The following WDR62 variants were observed in gnomAD, a reference collection of about 807,000 sequenced individuals.
WDR62 encodes WD repeat domain 62, also known as WD repeat-containing protein 62.
A neutral mutation model predicts 160.6 loss-of-function variants in WDR62; 112 were observed. That is an observed-to-expected ratio of 0.70 (90% CI 0.60 to 0.82). WDR62 has a LOEUF of 0.82. WDR62 is among the 40% of genes least tolerant of loss of function. The pLI is 0.00. For missense variants in WDR62, 1,819 were observed against 1,983.8 expected (o/e 0.92, Z 1.58); for synonymous variants, 792 against 815.1 (o/e 0.97, Z 0.48).
intron 26 of WDR62, chr19:36,102,460 C>G: frequency 5.2e-6 from 3 of 582,230 alleles, no homozygotes; most frequent in Non-Finnish European, 9.2e-6. Flanking sequence ...TGAGGTTTCA[C>G]CATGTTGGCC....
chr19:36,057,568 G>A (rs1163600270), intron 1 of WDR62, among the ~76,000 whole-genome samples: 2 of 151,436 alleles, frequency 1.3e-5, no homozygotes, highest in Admixed American at 6.6e-5. Flanking sequence ...AGGATGGAGT[G>A]CAATGGTGCC....
chr19:36,103,795 G>A lies in WDR62; in HGVS notation c.3967G>A (p.Ala1323Thr). 6.2e-7 allele frequency: 1 copy of A among 1,609,412 alleles called. No homozygotes were observed. Residue 1323 changes from alanine (A) to threonine (T), a missense_variant, in exon 30 of 32, where the codon GCA becomes ACA. By Grantham distance (58) the Ala-to-Thr change is moderately conservative. Coordinates refer to ENST00000401500, the MANE Select transcript of WDR62 (RefSeq NM_001083961.2). ...TACCCAGCCTGGCGTCACCGTCCCT[G>A]CAGTGAGCTTCCCAGCCCCTAGCCC... ...VDTQPGVTVP[A>T]VSFPAPSPVE... is the part of the protein sequence containing the mutation.
downstream of WDR62, among the ~76,000 whole-genome samples, chr19:36,109,406 G>A (rs116687962): frequency 0.011 from 1,599 of 152,208 alleles, 12 homozygotes; most frequent in South Asian, 0.042. Flanking sequence ...GGACTTACGC[G>A]ATCATTTTCA....
intron 11 of WDR62, 32 bp downstream of exon 11, chr19:36,083,273 CCT>C: frequency 6.4e-7 from 1 of 1,565,532 alleles, no homozygotes; most frequent in East Asian, 2.4e-5. Flanking sequence ...CCAGTGTACA[CCT>C]CCCAGCTCCA....
downstream of WDR62, among the ~76,000 whole-genome samples, chr19:36,106,664 G>T (rs1973721239): frequency 3.3e-5 from 5 of 152,228 alleles, no homozygotes; most frequent in South Asian, 1.0e-3. Flanking sequence ...CGTGATCTGT[G>T]TGGAAGCAAG....
In WDR62 at chr19:36,055,092, T is replaced by A. The variant is rs761479779; in HGVS notation, c.121T>A (p.Cys41Ser). The change falls in exon 1 of 32, where the codon TGC becomes AGC. Residue 41 changes from cysteine (C) to serine (S), a missense_variant. Physicochemically the swap from Cys to Ser is moderately radical, Grantham distance 112. Transcript: ENST00000401500. ...CTCCCCGCCCCCCGCCCCACCAATC[T>A]GCCTACGGCGGCGGACGCGACTCTC... is the stretch of plus-strand genomic sequence containing the variant. ...QSSPPPAPPICLRRRTRLSTA... is the reference protein window; with the variant it reads ...QSSPPPAPPISLRRRTRLSTA... 2.0e-4 allele frequency: 324 copies of A among 1,605,338 alleles called. No homozygotes were observed. The highest frequency in any genetic ancestry group is 9.9e-5 in the Non-Finnish European group (117 of 1,177,096).
intron 25 of WDR62, 64 bp downstream of exon 25, chr19:36,101,838 G>C: frequency 6.6e-7 from 1 of 1,506,218 alleles, no homozygotes; most frequent in Non-Finnish European, 9.0e-7. Flanking sequence ...CAGTCACAAT[G>C]TCTAAGCACA....
At chr19:36,055,203 A>C in intron 1 of WDR62, 55 bp downstream of exon 1, 3 of 1,551,898 alleles carry the variant, frequency 1.9e-6, no homozygotes, top group Non-Finnish European at 2.6e-6. Context: ...GGTTTCCCCT[A>C]GTCCCGTCCT....
chr19:36,062,648 TCAAAAAAA>T (rs1291825651), intron 3 of WDR62: 1 of 21,656 alleles, frequency 4.6e-5, no homozygotes, highest in African/African-American at 2.8e-4. Context: ...AGAGTCCGTC[TCAAAAAAA>T]AAAAAAAAAA....
At chr19:36,092,388 C>A (rs1357483838) in intron 18 of WDR62, among the ~76,000 whole-genome samples, 1 of 151,882 alleles carries the variant, frequency 6.6e-6, no homozygotes, top group Non-Finnish European at 1.5e-5. Flanking sequence ...ATGGGTGGTA[C>A]TCAAGGAAGT....
chr19:36,089,336 C>T, intron 15 of WDR62, 30 bp downstream of exon 15: 4 of 1,614,168 alleles, frequency 2.5e-6, no homozygotes, highest in Non-Finnish European at 3.4e-6. Flanking sequence ...CCTTAGCTGG[C>T]CTGGTCTGCC....
At chr19:36,072,791 T>A (rs1971368299) in intron 8 of WDR62, among the ~76,000 whole-genome samples, 1 of 152,210 alleles carries the variant, frequency 6.6e-6, no homozygotes, top group African/African-American at 2.4e-5. Context: ...GGAAGGTGAC[T>A]ATACCTCCCT....
At chr19:36,075,461 C>CG (rs1011098263) in intron 9 of WDR62, 1 of 151,744 alleles carries the variant, frequency 6.6e-6, no homozygotes, top group African/African-American at 2.4e-5. Context: ...TTTTTTCCCC[C>CG]CCAAGACGGA....
intron 25 of WDR62, 47 bp from the exon 26 acceptor site, chr19:36,101,967 G>C: frequency 6.2e-7 from 1 of 1,613,442 alleles, no homozygotes; most frequent in Non-Finnish European, 8.5e-7. Context: ...CGTCTGCTGT[G>C]ACTCATGGTG....
At chr19:36,086,195 T>C (rs527597442) in intron 12 of WDR62, among the ~76,000 whole-genome samples, 1 of 152,186 alleles carries the variant, frequency 6.6e-6, no homozygotes, top group Non-Finnish European at 1.5e-5. Context: ...CCTCAGGTCA[T>C]GTTATTAGGC....
At chr19:36,080,254 C>T (rs1971815729) in intron 9 of WDR62, among the ~76,000 whole-genome samples, 1 of 150,310 alleles carries the variant, frequency 6.7e-6, no homozygotes, top group Non-Finnish European at 1.5e-5. Flanking sequence ...ACTACAGGTG[C>T]CTGCCACCAC....
chr19:36,058,696 A>T (rs1568322088), intron 1 of WDR62, 84 bp from the exon 2 acceptor site: 19 of 1,025,640 alleles, frequency 1.9e-5, no homozygotes, highest in Non-Finnish European at 2.1e-5. Flanking sequence ...TGAATGTAGC[A>T]GGACCTGAAT....
At chr19:36,073,049 A>G (rs1185595965) in intron 8 of WDR62, among the ~76,000 whole-genome samples, 1 of 152,108 alleles carries the variant, frequency 6.6e-6, no homozygotes, top group East Asian at 1.9e-4. Context: ...TTCTATGCTC[A>G]GAGAGAGAGC....
rs1359444706 is a variant in WDR62 at position 36,058,533 on chromosome 19, A to G, written c.178-247A>G. Among the ~76,000 whole-genome samples the G allele has an allele frequency of 2.0e-5, 3 of 152,142 alleles. No homozygotes were observed. The East Asian group carries it at 5.8e-4, about 29-fold the overall frequency. ...CTTTTCTATGTTCTACATACCCATC[A>G]CCAGTAGAATGTGAGCCCCCCGAGG... On this transcript the variant is annotated intron_variant, in intron 1 of 31. Coordinates refer to ENST00000401500, the MANE Select transcript of WDR62 (RefSeq NM_001083961.2).
Sources: allele counts gnomAD v4.1 joint callset (sites outside exome capture counted in the v4.1 genomes callset), GRCh38; gene constraint gnomAD v4.1.1; transcripts MANE v1.5; gene names NCBI Gene and HGNC (gene_info 2026-07-23, HGNC 2026-07-21).